Variants in CDV3 observed in about 807,000 individuals in gnomAD.
CDV3 encodes protein CDV3 homolog.
A neutral mutation model predicts 24.5 loss-of-function variants in CDV3; 14 were observed. That is an observed-to-expected ratio of 0.57 (90% CI 0.38 to 0.89). The LOEUF (loss-of-function observed/expected upper bound fraction) is 0.89, where lower values mean the gene tolerates loss of function less well. Among genes scored for constraint, CDV3 ranks in the 40% least tolerant of loss-of-function variants. The probability of loss-of-function intolerance (pLI) is 0.00; values close to 1 mark genes in which losing one functional copy is unlikely to be tolerated. For missense variants in CDV3, 304 were observed against 310.2 expected, an observed-to-expected ratio of 0.98 and a Z score of 0.15; for synonymous variants, 114 against 114.1, an observed-to-expected ratio of 1.00 and a Z score of 0.00.
At chr3:133,586,774 G>A in intron 4 of CDV3, 52 bp downstream of exon 4, 1 of 1,161,004 alleles carries the variant, frequency 8.6e-7, no homozygotes, top group Admixed American at 1.7e-5. Flanking sequence ...TCCTAGGCCA[G>A]GGAGTGGGAT....
intron 4 of CDV3, chr3:133,587,428 T>C: frequency 1.7e-6 from 2 of 1,173,984 alleles, no homozygotes; most frequent in Non-Finnish European, 2.1e-6. Context: ...GGGAGGGCAG[T>C]GATTCACCAC....
chr3:133,575,314 C>A (rs1337136280), intron 2 of CDV3, among the ~76,000 whole-genome samples, 199 bp downstream of exon 2: 2 of 152,236 alleles, frequency 1.3e-5, no homozygotes, highest in Non-Finnish European at 2.9e-5. Context: ...TAGCTGCTGA[C>A]TCTAAAATCC....
At chr3:133,577,205 G>C (rs1268534556) in intron 2 of CDV3, among the ~76,000 whole-genome samples, 1 of 151,712 alleles carries the variant, frequency 6.6e-6, no homozygotes, top group Non-Finnish European at 1.5e-5. Flanking sequence ...GGCCCTAAGT[G>C]GCCATCCTAG....
In CDV3 at chr3:133,573,842, G is replaced by A. The variant is rs1278384526; in HGVS notation, c.-203G>A. The A allele has an allele frequency of 2.8e-5, 5 of 180,346 alleles. No individual in the cohort carries two copies. The highest frequency in any genetic ancestry group is 5.3e-5 in the Non-Finnish European group (5 of 94,014). 11.2% of individuals were successfully genotyped at this position (180,346 alleles called of 1,614,324 possible). On this transcript the variant is annotated 5_prime_UTR_variant, in exon 1 of 5. Transcript: ENST00000264993. The stretch of plus-strand genomic sequence containing the variant: ...CTCGGGCGACAGCGGCGGCGCGCGA[G>A]CCCCCGGGCGGACCGTACCACCGCT...
intron 3 of CDV3, among the ~76,000 whole-genome samples, chr3:133,585,862 T>G (rs562235045): frequency 7.2e-5 from 11 of 152,334 alleles, no homozygotes; most frequent in African/African-American, 2.6e-4. Context: ...ATATGGCATC[T>G]TAATCAGTCC....
chr3:133,575,227 T>G (rs140532082), intron 2 of CDV3, 112 bp downstream of exon 2: 2 of 635,836 alleles, frequency 3.1e-6, no homozygotes, highest in Non-Finnish European at 5.7e-6. Context: ...GCTCTAGATA[T>G]GCTTATTAGG....
At position 133,574,218 on chromosome 3, in the gene CDV3, G is replaced by A. The variant is rs1235663655; in HGVS notation, c.174G>A (p.Pro58=). The change falls in exon 1 of 5, where the codon CCG becomes CCA. Residue 58 remains proline (P), a synonymous_variant. Coordinates refer to ENST00000264993, the MANE Select transcript of CDV3 (RefSeq NM_017548.5). ...AGGGAGAGTR[P]GDGGTASAGA... ...GCGGGGCGGGCGCGGGGACCCGGCC[G>A]GGTGACGGCGGGACCGCCAGCGCGG... The A allele has an allele frequency of 3.0e-6, 3 of 1,003,536 alleles. No individual in the cohort carries two copies. Among genetic ancestry groups the A allele is most frequent in the African/African-American group, 1.8e-5 (1 of 57,098 alleles). 62.2% of individuals were successfully genotyped at this position (1,003,536 alleles called of 1,614,324 possible). A position where few individuals can be genotyped will look rare whatever the true frequency, so the allele number is the denominator to read the frequency against.
chr3:133,587,952 A>G lies in CDV3; in HGVS notation c.683A>G (p.Asp228Gly). ...EVVRHKNRGR[D>G]EVSKNQALKL... ...GTAAGACACAAAAATAGAGGTAGGG[A>G]TGAGGTTTCAAAAAACCAGGCCCTT... The change falls in exon 5 of 5, where the codon GAT (aspartate) becomes GGT (glycine). Residue 228 changes from aspartate to glycine, a missense_variant. This residue lies in a region of CDV3 where 56 missense variants were observed against 50.9 expected (regional missense o/e 1.10). Coordinates refer to ENST00000264993, the MANE Select transcript of CDV3 (RefSeq NM_017548.5). The G allele has an allele frequency of 2.5e-6, 4 of 1,613,942 alleles. No individual in the cohort carries two copies. The highest frequency in any genetic ancestry group is 3.4e-6 in the Non-Finnish European group (4 of 1,179,778).
At position 133,574,062 on chromosome 3, in the gene CDV3, G is replaced by C. The variant is rs775679267; in HGVS notation, c.18G>C (p.Glu6Asp). 1 of 1,222,804 alleles carries C rather than the reference G, an allele frequency of 8.2e-7. No homozygotes were observed. Among genetic ancestry groups the C allele is most frequent in the Non-Finnish European group, 1.0e-6 (1 of 956,638 alleles). The allele number at this position is 1,222,804 out of a possible 1,614,324, so 75.7% of individuals were successfully genotyped here. The change falls in exon 1 of 5, where the codon GAG becomes GAC. Residue 6 changes from glutamate to aspartate, a missense_variant. By Grantham distance (45) the Glu-to-Asp change is conservative (BLOSUM62 2). Around this residue, in one of 3 missense-constraint regions of CDV3, gnomAD observed 219 missense variants for 203.6 expected, o/e 1.08. Transcript: ENST00000264993. MAETE[E>D]RSLDNFFAKR... ...CCGAGGCCATGGCTGAGACGGAGGAGCGGAGCCTGGACAACTTCTTTGCCA... is the reference window on the plus strand; with the variant it reads ...CCGAGGCCATGGCTGAGACGGAGGACCGGAGCCTGGACAACTTCTTTGCCA...
chr3:133,574,176 C>A lies in CDV3; in HGVS notation c.132C>A (p.Ala44=), dbSNP rs1182541292. 3 of 1,054,748 alleles carry A rather than the reference C, an allele frequency of 2.8e-6. No homozygotes were observed. In the African/African-American group the frequency reaches 5.2e-5, roughly 18 times the overall value. The allele number at this position is 1,054,748 out of a possible 1,614,324, so 65.3% of individuals were successfully genotyped here. ...GCAGCGCCGGCGGAAGCAGTGGAGC[C>A]GCGGGTGCGGCGGGCGGCGGGGCGG... ...AAGSAGGSSG[A]AGAAGGGAGA... The change falls in exon 1 of 5, where the codon GCC becomes GCA. Residue 44 remains alanine (A), a synonymous_variant. Coordinates refer to ENST00000264993, the MANE Select transcript of CDV3 (RefSeq NM_017548.5).
At chr3:133,579,108 C>G (rs1196706558) in intron 2 of CDV3, among the ~76,000 whole-genome samples, 1 of 152,214 alleles carries the variant, frequency 6.6e-6, no homozygotes, top group Non-Finnish European at 1.5e-5. Context: ...CTCATACATA[C>G]ATACAGTGGG....
intron 2 of CDV3, among the ~76,000 whole-genome samples, chr3:133,576,800 G>A (rs2107697149): frequency 7.4e-6 from 1 of 134,670 alleles, no homozygotes; most frequent in Non-Finnish European, 1.6e-5. Context: ...GTATCAGCTA[G>A]TACAAGCATT....
rs966846176 is a variant in CDV3, at chr3:133,588,307, C to A, written c.*261C>A. On this transcript the variant is annotated 3_prime_UTR_variant, in exon 5 of 5. Transcript: ENST00000264993. ...ATATTTACTCTGCAAATACAAAAAACCAAAACCTGCAGCCAGTGGTCATTT... is the reference window on the plus strand; with the variant it reads ...ATATTTACTCTGCAAATACAAAAAAACAAAACCTGCAGCCAGTGGTCATTT... 1.8e-5 allele frequency: 27 copies of A among 1,537,172 alleles called. No individual in the cohort carries two copies. The highest frequency in any genetic ancestry group is 2.7e-5 in the African/African-American group (2 of 73,022).
intron 2 of CDV3, among the ~76,000 whole-genome samples, chr3:133,579,342 G>C (rs1192375522): frequency 2.0e-5 from 3 of 152,156 alleles, no homozygotes; most frequent in Non-Finnish European, 4.4e-5. Context: ...TTTAGCTGAT[G>C]GGAAGCTATA....
chr3:133,589,594 A>C lies in CDV3; in HGVS notation c.*1548A>C, dbSNP rs1208978662. ...AATAAATCCCTTTGCCAAATGCATG[A>C]GTTGCAGACTTGCTACTGGCAAGAG... is the stretch of plus-strand genomic sequence containing the variant. On this transcript the variant is annotated 3_prime_UTR_variant, in exon 5 of 5. Coordinates refer to ENST00000264993, the MANE Select transcript of CDV3 (RefSeq NM_017548.5). 8 of 152,668 alleles carry C rather than the reference A, an allele frequency of 5.2e-5. No homozygotes were observed. The highest frequency in any genetic ancestry group is 5.2e-4 in the Admixed American group (8 of 15,280). The allele number at this position is 152,668 out of a possible 1,614,324, so 9.5% of individuals were successfully genotyped here. A position where few individuals can be genotyped will look rare whatever the true frequency, so the allele number is the denominator to read the frequency against.
At chr3:133,579,905 TGACTA>T (rs2074952567) in intron 2 of CDV3, among the ~76,000 whole-genome samples, 1 of 152,210 alleles carries the variant, frequency 6.6e-6, no homozygotes, top group African/African-American at 2.4e-5. Flanking sequence ...TAAAGAGTCT[TGACTA>T]GACAATTTCC....
Position 133,577,654 on chromosome 3 carries a change from C to A in CDV3, c.317+2539C>A, listed in dbSNP as rs560959036. ...GGATCACAGGCATGAGCCTCTGAGC[C>A]CAGCCAGATGTCACATACAATCTTA... On this transcript the variant is annotated intron_variant, in intron 2 of 4. Transcript: ENST00000264993. Among the ~76,000 whole-genome samples, 3 of 152,308 alleles carry A rather than the reference C, an allele frequency of 2.0e-5. No homozygotes were observed. In the East Asian group the frequency reaches 5.8e-4, roughly 29 times the overall value.
At position 133,588,300 on chromosome 3, in the gene CDV3, C is replaced by CA; in HGVS notation, c.*260dup. On this transcript the variant is annotated 3_prime_UTR_variant, in exon 5 of 5. Coordinates refer to ENST00000264993, the MANE Select transcript of CDV3 (RefSeq NM_017548.5). ...TTCTTTCATATTTACTCTGCAAATA[C>CA]AAAAAACCAAAACCTGCAGCCAGTG... The CA allele has an allele frequency of 2.0e-6, 3 of 1,537,260 alleles. No homozygotes were observed. The highest frequency in any genetic ancestry group is 2.4e-5 in the East Asian group (1 of 40,916).
At chr3:133,587,587 AAAGT>A in intron 4 of CDV3, 2 of 1,118,262 alleles carry the variant, frequency 1.8e-6, no homozygotes, top group African/African-American at 1.6e-5. Context: ...TTACTTGCTA[AAAGT>A]AAGAGTCTTA....
Sources: allele counts gnomAD v4.1 joint callset (sites outside exome capture counted in the v4.1 genomes callset), GRCh38; gene constraint gnomAD v4.1.1; regional missense constraint gnomAD v4.1.1; transcripts MANE v1.5; gene names NCBI Gene and HGNC (gene_info 2026-07-23, HGNC 2026-07-21).